Variants in WDR64 observed in about 807,000 individuals in gnomAD.
WDR64 encodes the protein WD repeat-containing protein 64.
In WDR64, 112 loss-of-function variants were observed where a neutral mutation model predicts 139.3. The observed-to-expected ratio is 0.80, with a 90% CI of 0.69 to 0.94. The LOEUF is 0.94. WDR64 is among the 40% of genes least tolerant of loss of function. The probability of loss-of-function intolerance (pLI) is 0.00; values close to 1 mark genes in which losing one functional copy is unlikely to be tolerated. For synonymous variants in WDR64, 444 were observed against 437.7 expected (o/e 1.01, Z -0.18); for missense variants, 1,206 against 1,293.1 (o/e 0.93, Z 1.03).
intron 15 of WDR64, among the ~76,000 whole-genome samples, chr1:241,761,596 A>G (rs2148284701): frequency 6.6e-6 from 1 of 151,850 alleles, no homozygotes; most frequent in South Asian, 2.1e-4. Context: ...TTAGGAAGAT[A>G]TATTATGGAT....
rs531468523 is a variant in WDR64, at chr1:241,791,101, A to T, written c.2997+405A>T. Reference sequence around the variant, plus strand: ...CAGGAGTTTGAGACCAGCCTGATCAACATGGCGAAACTCCATCTCTATTAA... The same window carrying T: ...CAGGAGTTTGAGACCAGCCTGATCATCATGGCGAAACTCCATCTCTATTAA... On this transcript the variant is annotated intron_variant, in intron 25 of 27. Coordinates refer to ENST00000437684, the MANE Select transcript of WDR64 (RefSeq NM_001367482.1). Among the ~76,000 whole-genome samples, 3 of 141,326 alleles carry T rather than the reference A, an allele frequency of 2.1e-5. No homozygotes were observed. In the East Asian group the frequency reaches 6.3e-4, roughly 30 times the overall value. The allele number at this position is 141,326 out of a possible 152,430, so 92.7% of individuals were successfully genotyped here.
chr1:241,706,785 A>G (rs991621056), intron 8 of WDR64, among the ~76,000 whole-genome samples: 1 of 152,130 alleles, frequency 6.6e-6, no homozygotes, highest in African/African-American at 2.4e-5. Flanking sequence ...TAAAAATCAA[A>G]TTTTTTCAGG....
At chr1:241,771,937 C>T (rs866594569) in intron 19 of WDR64, among the ~76,000 whole-genome samples, 6 of 56,524 alleles carry the variant, frequency 1.1e-4, no homozygotes, top group African/African-American at 1.8e-4. Flanking sequence ...CATATACATA[C>T]ATACATACAT....
chr1:241,668,819 G>A (rs1666116565), intron 2 of WDR64, among the ~76,000 whole-genome samples: 1 of 151,622 alleles, frequency 6.6e-6, no homozygotes, highest in African/African-American at 2.4e-5. Context: ...AGAATTGCTT[G>A]AACACAGGAG....
rs761912167 is a variant in WDR64 at position 241,656,211 on chromosome 1, G to A, written c.145+3582G>A. 5.9e-5 allele frequency among the ~76,000 whole-genome samples: 9 copies of A among 152,120 alleles called. No homozygotes were observed. The South Asian group carries it at 6.2e-4, about 11-fold the overall frequency. ...TTTGTCAGGCTGTTAATAATGTCTG[G>A]CACAAATTCATATTTATTAACCAAT... On this transcript the variant is annotated intron_variant, in intron 1 of 27. Transcript: ENST00000437684. The surrounding 1 kb of genome is among the most constrained non-coding windows in gnomAD (Gnocchi z 4.3).
intron 21 of WDR64, among the ~76,000 whole-genome samples, chr1:241,778,038 G>A (rs960292117): frequency 1.3e-5 from 2 of 152,148 alleles, no homozygotes; most frequent in Non-Finnish European, 2.9e-5. Context: ...TTTATTGATG[G>A]TGCCATTGAT....
chr1:241,752,573 G>C (rs2148267672), intron 14 of WDR64, among the ~76,000 whole-genome samples: 1 of 152,316 alleles, frequency 6.6e-6, no homozygotes, highest in Admixed American at 6.5e-5. Flanking sequence ...TGTTGGGCTG[G>C]ATATAGTGGC....
At chr1:241,753,674 C>T (rs531606461) in intron 14 of WDR64, among the ~76,000 whole-genome samples, 2 of 152,054 alleles carry the variant, frequency 1.3e-5, no homozygotes, top group South Asian at 2.1e-4. Context: ...ACTACACTCC[C>T]GACTGGGCGA....
chr1:241,731,768 T>C (rs1309130547), intron 10 of WDR64, among the ~76,000 whole-genome samples: 1 of 152,182 alleles, frequency 6.6e-6, no homozygotes, highest in African/African-American at 2.4e-5. Context: ...TTGCCAGTTA[T>C]CACACAGGAA....
In WDR64 at chr1:241,766,239, C is replaced by A. The variant is rs764339981; in HGVS notation, c.1969C>A (p.Arg657=). 1.2e-6 allele frequency: 2 copies of A among 1,613,722 alleles called. No homozygotes were observed. Among genetic ancestry groups the A allele is most frequent in the South Asian group, 1.1e-5 (1 of 91,050 alleles). The change falls in exon 16 of 28, where the codon CGA becomes AGA. Residue 657 remains arginine (R), a synonymous_variant. Coordinates refer to ENST00000437684, the MANE Select transcript of WDR64 (RefSeq NM_001367482.1). ...PTDNPTMDLL[R]VNCIDLLQVE... ...TCAGAATCCCACCATGGATTTATTA[C>A]GAGTGAACTGCATTGATTTACTACA...
At chr1:241,665,672 A>G (rs898625809) in intron 2 of WDR64, among the ~76,000 whole-genome samples, 2 of 152,210 alleles carry the variant, frequency 1.3e-5, no homozygotes, top group Non-Finnish European at 2.9e-5. Context: ...TTTAATGTAA[A>G]GAGATCAAAA....
At chr1:241,677,504 A>G in intron 4 of WDR64, 1 of 398,580 alleles carries the variant, frequency 2.5e-6, no homozygotes. Context: ...AGGCCATCTG[A>G]GCATGTAAAA....
At chr1:241,787,417 C>A (rs1659079231) in intron 23 of WDR64, among the ~76,000 whole-genome samples, 1 of 150,178 alleles carries the variant, frequency 6.7e-6, no homozygotes, top group East Asian at 2.0e-4. Context: ...ATAATCCCAG[C>A]AGTTTGGGAG....
At chr1:241,668,703 G>T (rs1263566098) in intron 2 of WDR64, among the ~76,000 whole-genome samples, 1 of 152,092 alleles carries the variant, frequency 6.6e-6, no homozygotes, top group Admixed American at 6.5e-5. Context: ...AGGGTCAGGA[G>T]GTCAAGACCA....
rs376079471 is a variant in WDR64 at position 241,707,273 on chromosome 1, A to G, written c.975-4529A>G. Among the ~76,000 whole-genome samples the G allele has an allele frequency of 1.1e-4, 17 of 152,312 alleles. No homozygotes were observed. In the East Asian group the frequency reaches 2.1e-3, roughly 19 times the overall value. On this transcript the variant is annotated intron_variant, in intron 8 of 27. Transcript: ENST00000437684. ...TGACTCACTGACTGAGGACCCACTG[A>G]GTAAGCCCTAAAAACTCTACTTCCT...
chr1:241,751,735 C>T (rs1259925516), intron 14 of WDR64, among the ~76,000 whole-genome samples: 2 of 152,188 alleles, frequency 1.3e-5, no homozygotes, highest in African/African-American at 4.8e-5. Flanking sequence ...CAAATCATCA[C>T]TGTGCTGAAT....
At chr1:241,760,372 G>A (rs992334487) in intron 15 of WDR64, among the ~76,000 whole-genome samples, 12 of 150,762 alleles carry the variant, frequency 8.0e-5, no homozygotes, top group Non-Finnish European at 1.3e-4. Flanking sequence ...AAAGACTTAC[G>A]ATTATTCCAA....
At chr1:241,683,255 G>A (rs1015581668) in intron 6 of WDR64, among the ~76,000 whole-genome samples, 2 of 152,130 alleles carry the variant, frequency 1.3e-5, no homozygotes, top group African/African-American at 4.8e-5. Context: ...TGGCCCAGGG[G>A]TAGGCACTCT....
At chr1:241,765,561 TGA>T (rs919895768) in intron 15 of WDR64, among the ~76,000 whole-genome samples, 4 of 152,222 alleles carry the variant, frequency 2.6e-5, no homozygotes. Context: ...GGAGAGCAAC[TGA>T]GAGTGGTAAT....
Sources: allele counts gnomAD v4.1 joint callset (sites outside exome capture counted in the v4.1 genomes callset), GRCh38; gene constraint gnomAD v4.1.1; non-coding constraint Gnocchi (gnomAD v3.1); transcripts MANE v1.5; gene names NCBI Gene and HGNC (gene_info 2026-07-23, HGNC 2026-07-21).